DAGLB: variants seen among roughly 807,000 people sequenced by gnomAD.
The protein encoded by DAGLB is diacylglycerol lipase beta, also known as diacylglycerol lipase-beta.
In DAGLB, 66 loss-of-function variants were observed where a neutral mutation model predicts 72.1. The ratio of observed to expected loss-of-function variants is 0.92; its 90% CI spans 0.75 to 1.12. The LOEUF is 1.12. DAGLB is among the 50% of genes most tolerant of loss of function. The probability of loss-of-function intolerance (pLI) is 0.00; values close to 1 mark genes in which losing one functional copy is unlikely to be tolerated. For synonymous variants in DAGLB, 414 were observed against 359.5 expected, an observed-to-expected ratio of 1.15 and a Z score of -1.71; for missense variants, 1,065 against 884.9, an observed-to-expected ratio of 1.20 and a Z score of -2.58.
Position 6,409,661 on chromosome 7 carries a change from G to T in DAGLB, c.*176C>A. On this transcript the variant is annotated 3_prime_UTR_variant, in exon 15 of 15. Transcript: ENST00000297056. ...TGCTCACTACTTCTGCTACCATTAT[G>T]GCCACAATGACTTCCCATAAACTTA... The T allele has an allele frequency of 5.3e-6, 4 of 755,772 alleles. No homozygotes were observed. The highest frequency in any genetic ancestry group is 5.8e-5 in the Admixed American group (2 of 34,318). The allele number at this position is 755,772 out of a possible 1,614,324, so 46.8% of individuals were successfully genotyped here.
intron 13 of DAGLB, among the ~76,000 whole-genome samples, chr7:6,411,955 ACT>A (rs1288218885): frequency 8.2e-6 from 1 of 121,326 alleles, no homozygotes; most frequent in Admixed American, 8.7e-5. Flanking sequence ...ACAGAGCCTC[ACT>A]CTATCCAACA....
chr7:6,434,210 C>A (rs1784580255), intron 4 of DAGLB, among the ~76,000 whole-genome samples: 1 of 149,282 alleles, frequency 6.7e-6, no homozygotes, highest in Non-Finnish European at 1.5e-5. Context: ...CAGAGAATGT[C>A]ATATAAAAAG....
chr7:6,412,876 C>A lies in DAGLB; in HGVS notation c.1504G>T (p.Val502Leu). 6.2e-7 allele frequency: 1 copy of A among 1,609,066 alleles called. No individual in the cohort carries two copies. ...LGKDVIPRLS[V>L]TNLEDLKRRI... ...CTCTTCAGATCTTCCAAGTTGGTCA[C>A]ACTGAGCCTGTTTAGCAAAGGGGCA... Residue 502 changes from valine (V) to leucine (L), a missense_variant, in exon 13 of 15, where the codon GTG becomes TTG. Physicochemically the swap from Val to Leu is conservative, Grantham distance 32. Coordinates refer to ENST00000297056, the MANE Select transcript of DAGLB (RefSeq NM_139179.4).
chr7:6,425,954 A>G (rs1325606484), intron 7 of DAGLB, 34 bp downstream of exon 7: 1 of 1,610,876 alleles, frequency 6.2e-7, no homozygotes, highest in Non-Finnish European at 8.5e-7. Flanking sequence ...AGGACCCAAA[A>G]GAAGTGAAGA....
At chr7:6,419,442 C>T (rs1299495444) in intron 9 of DAGLB, among the ~76,000 whole-genome samples, 1 of 152,202 alleles carries the variant, frequency 6.6e-6, no homozygotes, top group African/African-American at 2.4e-5. Flanking sequence ...GACTAAGCTG[C>T]TGCTGGCGAG....
intron 5 of DAGLB, among the ~76,000 whole-genome samples, chr7:6,432,424 G>A (rs1653982965): frequency 6.6e-6 from 1 of 151,868 alleles, no homozygotes; most frequent in South Asian, 2.1e-4. Flanking sequence ...TTGGGAGGCT[G>A]AGGTGGGCAG....
chr7:6,416,315 G>T, intron 11 of DAGLB: 1 of 214,994 alleles, frequency 4.7e-6, no homozygotes, highest in Non-Finnish European at 9.2e-6. Context: ...AGGCCGAGGC[G>T]GGCAGATCAC....
Position 6,441,895 on chromosome 7 carries a change from G to T in DAGLB, c.247+4058C>A, listed in dbSNP as rs921578754. ...AAGGGCCACAATGACTCGAGCGACT[G>T]AGTGCAGAAGCAAGACGGCATCGGG... On this transcript the variant is annotated intron_variant, in intron 2 of 14. Transcript: ENST00000297056. 1.4e-4 allele frequency among the ~76,000 whole-genome samples: 22 copies of T among 152,272 alleles called. No individual in the cohort carries two copies. In the East Asian group the frequency reaches 4.2e-3, roughly 29 times the overall value.
chr7:6,429,744 T>C (rs1001484294), intron 6 of DAGLB, among the ~76,000 whole-genome samples: 6 of 151,838 alleles, frequency 4.0e-5, no homozygotes, highest in South Asian at 2.1e-4. Flanking sequence ...CTACTAAAAA[T>C]AGAAAATTAG....
chr7:6,447,663 C>T (rs1785053892), intron 1 of DAGLB, 85 bp downstream of exon 1: 2 of 1,506,312 alleles, frequency 1.3e-6, no homozygotes, highest in Non-Finnish European at 1.8e-6. Flanking sequence ...GCTTGGGAAG[C>T]CACTTCTGTC....
At position 6,447,921 on chromosome 7, in the gene DAGLB, C is replaced by CG; in HGVS notation, c.-80dup. 6.8e-7 allele frequency: 1 copy of CG among 1,475,984 alleles called. No individual in the cohort carries two copies. The highest frequency in any genetic ancestry group is 9.0e-7 in the Non-Finnish European group (1 of 1,115,656). 91.4% of individuals were successfully genotyped at this position (1,475,984 alleles called of 1,614,324 possible). On this transcript the variant is annotated 5_prime_UTR_variant, in exon 1 of 15. Transcript: ENST00000297056. Reference sequence around the variant, plus strand: ...GAACAAACCAGCACCCTCCGGACGCCGCCACCAAATTATCGGCGCTCAAGC... The same window carrying CG: ...GAACAAACCAGCACCCTCCGGACGCCGGCCACCAAATTATCGGCGCTCAAGC...
At chr7:6,441,693 A>G (rs1784838609) in intron 2 of DAGLB, among the ~76,000 whole-genome samples, 1 of 152,170 alleles carries the variant, frequency 6.6e-6, no homozygotes, top group Non-Finnish European at 1.5e-5. Context: ...CTGGAATTAC[A>G]GGTGTAAGCC....
At chr7:6,428,315 C>CAAAAAAAAA (rs749361631) in intron 6 of DAGLB, among the ~76,000 whole-genome samples, 9 of 76,900 alleles carry the variant, frequency 1.2e-4, no homozygotes, top group South Asian at 4.7e-4. Flanking sequence ...GACTCTGTCT[C>CAAAAAAAAA]AAAAAAAAAA....
intron 6 of DAGLB, 62 bp from the exon 7 acceptor site, chr7:6,426,176 C>A: frequency 1.2e-6 from 2 of 1,602,006 alleles, no homozygotes; most frequent in South Asian, 2.2e-5. Flanking sequence ...AACGTCCATC[C>A]TCACTGCCAC....
In DAGLB at chr7:6,421,871, G is replaced by T. The variant is rs757774919; in HGVS notation, c.1141-67C>A. On this transcript the variant is annotated intron_variant, in intron 8 of 14. Transcript: ENST00000297056. ...GGGCAGGGTGGGAGAATGACAGGTG[G>T]TCCCTGCTCCTGACACTTCTGTGGA... 7.5e-5 allele frequency: 115 copies of T among 1,541,120 alleles called. 1 individual carries two copies. Among genetic ancestry groups the T allele is most frequent in the Non-Finnish European group, 9.7e-5 (109 of 1,124,866 alleles).
At position 6,424,816 on chromosome 7, in the gene DAGLB, A is replaced by G. The variant is rs1784251061; in HGVS notation, c.1076T>C (p.Leu359Ser). ...FHDKVYELPF[L>S]VALDHRKESV... ...CTCTTTCCTGTGATCCAGAGCCACTAAAAACGGCAGCTCGTAAACCTGCAG... is the reference window on the plus strand; with the variant it reads ...CTCTTTCCTGTGATCCAGAGCCACTGAAAACGGCAGCTCGTAAACCTGCAG... Residue 359 changes from leucine (L) to serine (S), a missense_variant, in exon 8 of 15, where the codon TTA becomes TCA. Coordinates refer to ENST00000297056, the MANE Select transcript of DAGLB (RefSeq NM_139179.4). 1.2e-6 allele frequency: 2 copies of G among 1,613,574 alleles called. No individual in the cohort carries two copies. Among genetic ancestry groups the G allele is most frequent in the African/African-American group, 1.3e-5 (1 of 74,904 alleles).
intron 8 of DAGLB, among the ~76,000 whole-genome samples, chr7:6,424,468 G>C (rs564716147): frequency 1.3e-5 from 2 of 152,276 alleles, no homozygotes; most frequent in East Asian, 3.9e-4. Flanking sequence ...GCTCAGGGAA[G>C]TTAGGCAGGG....
At chr7:6,445,814 G>A (rs1784981625) in intron 2 of DAGLB, 139 bp downstream of exon 2, 1 of 956,906 alleles carries the variant, frequency 1.0e-6, no homozygotes, top group Admixed American at 3.1e-5. Flanking sequence ...CTTGATGATG[G>A]TGATGGCTGC....
In DAGLB at chr7:6,434,883, T is replaced by G; in HGVS notation, c.557A>C (p.Lys186Thr). The part of the protein sequence containing the change: ...HDSSQLLNGL[K>T]TAATSVWETR... ...TTCCCACACGCTTGTAGCTGCTGTC[T>G]TGAGGCCATTAAGTAACTGGCTTGA... is the stretch of plus-strand genomic sequence containing the variant. Residue 186 changes from lysine to threonine, a missense_variant, in exon 4 of 15, where the codon AAG becomes ACG. By Grantham distance (78) the Lys-to-Thr change is moderately conservative (BLOSUM62 -1). Transcript: ENST00000297056. 1 of 1,614,200 alleles carries G rather than the reference T, an allele frequency of 6.2e-7. No individual in the cohort carries two copies. Among genetic ancestry groups the G allele is most frequent in the South Asian group, 1.1e-5 (1 of 91,086 alleles).
Sources: allele counts gnomAD v4.1 joint callset (sites outside exome capture counted in the v4.1 genomes callset), GRCh38; gene constraint gnomAD v4.1.1; transcripts MANE v1.5; gene names NCBI Gene and HGNC (gene_info 2026-07-23, HGNC 2026-07-21).